Variants in SPOCK1 observed in about 807,000 individuals in gnomAD.
SPOCK1 encodes the protein SPARC (osteonectin), cwcv and kazal like domains proteoglycan 1.
Under a neutral mutation model 55.3 loss-of-function variants are expected in SPOCK1, and 23 were observed. The observed-to-expected ratio is 0.42, with a 90% CI of 0.30 to 0.59. The LOEUF (loss-of-function observed/expected upper bound fraction) is 0.59. Ranked by LOEUF, SPOCK1 falls within the 20% of genes least tolerant of loss-of-function variation. The pLI, the probability that SPOCK1 is intolerant of heterozygous loss-of-function variation, is 0.22. For synonymous variants in SPOCK1, 226 were observed against 221.0 expected (o/e 1.02, Z -0.20); for missense variants, 499 against 552.5 (o/e 0.90, Z 0.97).
At chr5:137,187,250 A>T (rs535842652) in intron 3 of SPOCK1, among the ~76,000 whole-genome samples, 58 of 152,280 alleles carry the variant, frequency 3.8e-4, no homozygotes, top group African/African-American at 1.4e-3. Context: ...CTCCAGGCTC[A>T]TCTGTCAGCA....
At chr5:137,011,639 T>C (rs1461402014) in intron 6 of SPOCK1, among the ~76,000 whole-genome samples, 2 of 152,226 alleles carry the variant, frequency 1.3e-5, no homozygotes, top group African/African-American at 4.8e-5. Context: ...CAGTCCCATC[T>C]ACCACATCAG....
At chr5:137,210,788 T>G (rs1755595788) in intron 3 of SPOCK1, among the ~76,000 whole-genome samples, 1 of 152,230 alleles carries the variant, frequency 6.6e-6, no homozygotes, top group Non-Finnish European at 1.5e-5. Flanking sequence ...TTCTGTTATT[T>G]GTATTCTCCC....
chr5:137,254,685 G>T (rs1756600726), intron 3 of SPOCK1, among the ~76,000 whole-genome samples: 1 of 152,318 alleles, frequency 6.6e-6, no homozygotes, highest in African/African-American at 2.4e-5. Flanking sequence ...GGCTCTGGTG[G>T]CCTATAGGGA....
intron 2 of SPOCK1, among the ~76,000 whole-genome samples, chr5:137,446,477 T>A (rs56324707): frequency 0.017 from 2,559 of 152,206 alleles, 87 homozygotes; most frequent in African/African-American, 0.058. Flanking sequence ...CTCAGCAGGA[T>A]CCCACAGGTG....
chr5:137,123,229 T>G (rs1399399922), intron 4 of SPOCK1, among the ~76,000 whole-genome samples: 1 of 152,194 alleles, frequency 6.6e-6, no homozygotes, highest in Non-Finnish European at 1.5e-5. Flanking sequence ...AGAAGCTCCT[T>G]CTCTCCTATG....
At chr5:137,138,623 A>G (rs1006754119) in intron 4 of SPOCK1, among the ~76,000 whole-genome samples, 1 of 152,108 alleles carries the variant, frequency 6.6e-6, no homozygotes, top group African/African-American at 2.4e-5. Flanking sequence ...ATCCGAGAAG[A>G]AAGACATTGC....
chr5:137,427,330 G>T (rs1752652940), intron 2 of SPOCK1, among the ~76,000 whole-genome samples: 1 of 152,124 alleles, frequency 6.6e-6, no homozygotes, highest in South Asian at 2.1e-4. Context: ...TTATGCTTGG[G>T]CCCAAAAGCA....
intron 2 of SPOCK1, among the ~76,000 whole-genome samples, chr5:137,418,016 C>T (rs2149824388): frequency 6.6e-6 from 1 of 152,232 alleles, no homozygotes; most frequent in African/African-American, 2.4e-5. Flanking sequence ...CATGTGTTCT[C>T]ATTGTTCAAT....
At chr5:137,166,188 CAT>C (rs1199110199) in intron 3 of SPOCK1, among the ~76,000 whole-genome samples, 1 of 152,054 alleles carries the variant, frequency 6.6e-6, no homozygotes, top group Non-Finnish European at 1.5e-5. Flanking sequence ...AAACAAATAA[CAT>C]ACAATGGAGT....
chr5:137,388,730 A>G (rs900849600), intron 2 of SPOCK1, among the ~76,000 whole-genome samples: 2 of 152,214 alleles, frequency 1.3e-5, no homozygotes, highest in Non-Finnish European at 2.9e-5. Context: ...AGAAGCTTTT[A>G]GCGCCTCTGC....
At chr5:137,296,289 A>T (rs1009808517) in intron 2 of SPOCK1, among the ~76,000 whole-genome samples, 2 of 152,198 alleles carry the variant, frequency 1.3e-5, no homozygotes, top group African/African-American at 4.8e-5. Flanking sequence ...CTGAGGAAAC[A>T]AAAGCACAGA....
intron 3 of SPOCK1, among the ~76,000 whole-genome samples, chr5:137,261,128 A>T (rs1481384936): frequency 6.6e-6 from 1 of 152,150 alleles, no homozygotes; most frequent in Non-Finnish European, 1.5e-5. Flanking sequence ...AAAAACTGAA[A>T]AACTTTCAAG....
At chr5:137,029,786 A>T (rs563523184) in intron 6 of SPOCK1, among the ~76,000 whole-genome samples, 1 of 152,344 alleles carries the variant, frequency 6.6e-6, no homozygotes, top group Non-Finnish European at 1.5e-5. Flanking sequence ...TTTAAGGCCA[A>T]GAGTTCATGA....
At chr5:137,420,226 A>G (rs1339424300) in intron 2 of SPOCK1, among the ~76,000 whole-genome samples, 1 of 152,148 alleles carries the variant, frequency 6.6e-6, no homozygotes, top group Non-Finnish European at 1.5e-5. Flanking sequence ...TTTTGCATCA[A>G]TGTTCATCAG....
At chr5:136,996,218 A>C (rs1358773254) in intron 6 of SPOCK1, among the ~76,000 whole-genome samples, 2 of 152,166 alleles carry the variant, frequency 1.3e-5, no homozygotes, top group Non-Finnish European at 2.9e-5. Context: ...GTACATTCCT[A>C]GGGAAAAGTA....
In SPOCK1 at chr5:137,337,142, G is replaced by A. The variant is rs575118264; in HGVS notation, c.187-70087C>T. On this transcript the variant is annotated intron_variant, in intron 2 of 10. Coordinates refer to ENST00000394945, the MANE Select transcript of SPOCK1 (RefSeq NM_004598.4). ...GATGGGTAGCTACCTTTTGCAAAAA[G>A]TAATTCTAGGCACAGGCTCAAGAAG... 1.7e-3 allele frequency among the ~76,000 whole-genome samples: 262 copies of A among 152,302 alleles called. 1 individual carries two copies. Among genetic ancestry groups the A allele is most frequent in the African/African-American group, 5.9e-3 (247 of 41,570 alleles).
chr5:137,259,875 G>C (rs1450945472), intron 3 of SPOCK1, among the ~76,000 whole-genome samples: 1 of 151,816 alleles, frequency 6.6e-6, no homozygotes, highest in Admixed American at 6.6e-5. Flanking sequence ...TTTATTCTGA[G>C]CCCTCTCCAC....
chr5:136,979,263 A>G, intron 10 of SPOCK1, 69 bp downstream of exon 10: 1 of 1,595,456 alleles, frequency 6.3e-7, no homozygotes, highest in Non-Finnish European at 8.6e-7. Flanking sequence ...TTCTGCAGAG[A>G]TCCTTATGCA....
At chr5:137,272,763 C>G (rs1756993372) in intron 2 of SPOCK1, among the ~76,000 whole-genome samples, 1 of 137,094 alleles carries the variant, frequency 7.3e-6, no homozygotes, top group South Asian at 2.5e-4. Flanking sequence ...CACACACGGG[C>G]CTAGGCCGCT....
Sources: gnomAD v4.1 joint callset for allele counts (sites outside exome capture counted in the v4.1 genomes callset) on GRCh38, gnomAD v4.1.1 for gene constraint, MANE v1.5 for transcripts, NCBI Gene and HGNC (gene_info 2026-07-23, HGNC 2026-07-21) for gene names.